The following HPSE2 variants were observed in gnomAD, a reference collection of about 807,000 sequenced individuals.
HPSE2 encodes inactive heparanase-2.
HPSE2 carries 38 observed loss-of-function variants against 60.5 expected under a neutral mutation model. The observed-to-expected ratio is 0.63, with a 90% CI of 0.48 to 0.82. The LOEUF (loss-of-function observed/expected upper bound fraction) is 0.82. Among genes scored for constraint, HPSE2 ranks in the 40% least tolerant of loss-of-function variants. The pLI is 0.00. For missense variants in HPSE2, 713 were observed against 740.4 expected, an observed-to-expected ratio of 0.96 and a Z score of 0.43; for synonymous variants, 295 against 293.2, an observed-to-expected ratio of 1.01 and a Z score of -0.06.
At chr10:99,133,824 G>A (rs1268529686) in intron 3 of HPSE2, among the ~76,000 whole-genome samples, 2 of 152,226 alleles carry the variant, frequency 1.3e-5, no homozygotes, top group East Asian at 1.9e-4. Flanking sequence ...TCCTCCAAAG[G>A]ATCACAACTC....
At chr10:98,596,985 T>C (rs1201520372) in intron 9 of HPSE2, among the ~76,000 whole-genome samples, 2 of 152,046 alleles carry the variant, frequency 1.3e-5, no homozygotes, top group African/African-American at 4.8e-5. Flanking sequence ...ACTTACAATA[T>C]GGTGGAAGGG....
intron 3 of HPSE2, among the ~76,000 whole-genome samples, chr10:98,833,689 C>T (rs1951732129): frequency 1.3e-5 from 2 of 152,184 alleles, no homozygotes; most frequent in African/African-American, 4.8e-5. Flanking sequence ...CGTCACATCA[C>T]CTTTTTCTAG....
chr10:98,684,755 G>C (rs1947869974), intron 6 of HPSE2, among the ~76,000 whole-genome samples: 1 of 151,998 alleles, frequency 6.6e-6, no homozygotes, highest in Non-Finnish European at 1.5e-5. Context: ...TTTGGAGTGG[G>C]AAGGGAGGAG....
chr10:99,132,937 T>C (rs1032797113), intron 3 of HPSE2, among the ~76,000 whole-genome samples: 1 of 152,056 alleles, frequency 6.6e-6, no homozygotes, highest in Non-Finnish European at 1.5e-5. Flanking sequence ...AGCCAAGTGG[T>C]CTGGCTCAGA....
the HPSE2 span, among the ~76,000 whole-genome samples, chr10:99,300,773 C>CA: frequency 1.3e-5 from 2 of 152,280 alleles, no homozygotes; most frequent in South Asian, 4.1e-4. Flanking sequence ...CAGAAGTTCC[C>CA]AGCAGAGCTG....
the HPSE2 span, among the ~76,000 whole-genome samples, chr10:99,315,261 C>CA: frequency 6.6e-6 from 1 of 152,176 alleles, no homozygotes; most frequent in African/African-American, 2.4e-5. Context: ...TCCATGGTGA[C>CA]AAGAGTACGG....
chr10:98,770,581 G>C (rs77521089), intron 3 of HPSE2, among the ~76,000 whole-genome samples: 1,743 of 152,166 alleles, frequency 0.011, 22 homozygotes, highest in Non-Finnish European at 0.017. Flanking sequence ...TTGGCTTGAG[G>C]ACTCCCCATG....
chr10:98,573,435 G>T (rs760002599), intron 9 of HPSE2, among the ~76,000 whole-genome samples: 3 of 148,600 alleles, frequency 2.0e-5, no homozygotes. Flanking sequence ...TTACCATGAG[G>T]CAACTGAAGA....
rs10630273 is a variant in HPSE2 at position 99,235,101 on chromosome 10, TACACACACAC to T, written c.290+402_290+411del. ...CACACACACACTCTCCTGTCTCACATACACACACACACACACACACACACACATACCCATT... is the reference window on the plus strand; with the variant it reads ...CACACACACACTCTCCTGTCTCACATACACACACACACACACATACCCATT... On this transcript the variant is annotated intron_variant, in intron 1 of 11. Coordinates refer to ENST00000370552, the MANE Select transcript of HPSE2 (RefSeq NM_021828.5). 2.2e-3 allele frequency among the ~76,000 whole-genome samples: 322 copies of T among 147,596 alleles called. 7 individuals carry two copies. Among genetic ancestry groups the T allele is most frequent in the East Asian group, 3.4e-3 (17 of 4,972 alleles).
intron 3 of HPSE2, among the ~76,000 whole-genome samples, chr10:98,959,776 G>C (rs1955603575): frequency 6.6e-6 from 1 of 152,106 alleles, no homozygotes. Context: ...TAGAAAGAAG[G>C]CATTAGAAAT....
intron 3 of HPSE2, among the ~76,000 whole-genome samples, chr10:99,077,972 G>T (rs1843004980): frequency 6.6e-6 from 1 of 152,070 alleles, no homozygotes; most frequent in South Asian, 2.1e-4. Flanking sequence ...CTTGCTCTCA[G>T]TTCACACAAG....
chr10:98,474,548 T>C (rs73335735), intron 11 of HPSE2, among the ~76,000 whole-genome samples: 9,644 of 152,256 alleles, frequency 0.063, 1,008 homozygotes, highest in African/African-American at 0.22. Context: ...TGCAGTTAGA[T>C]GCCAATGTTT....
intron 3 of HPSE2, among the ~76,000 whole-genome samples, chr10:98,983,301 G>A (rs1287714775): frequency 6.6e-6 from 1 of 152,122 alleles, no homozygotes; most frequent in African/African-American, 2.4e-5. Flanking sequence ...GTCCCATCTG[G>A]GGATGATGGG....
chr10:98,794,701 G>A (rs538315451), intron 3 of HPSE2, among the ~76,000 whole-genome samples: 2 of 152,044 alleles, frequency 1.3e-5, no homozygotes, highest in Non-Finnish European at 2.9e-5. Flanking sequence ...GGTGACACAC[G>A]TTATAAAAAA....
At chr10:99,212,108 C>CA (rs1456879272) in intron 2 of HPSE2, among the ~76,000 whole-genome samples, 1 of 151,982 alleles carries the variant, frequency 6.6e-6, no homozygotes, top group Non-Finnish European at 1.5e-5. Flanking sequence ...CAGGGAAATG[C>CA]AAATTAAATC....
chr10:98,963,918 T>C (rs1324233024), intron 3 of HPSE2, among the ~76,000 whole-genome samples: 1 of 152,088 alleles, frequency 6.6e-6, no homozygotes, highest in Admixed American at 6.6e-5. Flanking sequence ...CAAAGAACAC[T>C]GATTACAGAA....
At position 98,482,562 on chromosome 10, in the gene HPSE2, T is replaced by C; in HGVS notation, c.1613+74A>G. On this transcript the variant is annotated intron_variant, in intron 11 of 11. Coordinates refer to ENST00000370552, the MANE Select transcript of HPSE2 (RefSeq NM_021828.5). ...GCCCTTGAGAGAATTAGCAGCAACC[T>C]TGGTGTCTTCAGCCTCCCCCTCCCT... 3 of 1,575,902 alleles carry C rather than the reference T, an allele frequency of 1.9e-6. No individual in the cohort carries two copies. In the South Asian group the frequency reaches 3.3e-5, roughly 18 times the overall value.
chr10:99,305,979 G>GCGCGCGCGCACTCA, the HPSE2 span, among the ~76,000 whole-genome samples: 3 of 80,580 alleles, frequency 3.7e-5, 1 homozygote, highest in African/African-American at 1.6e-4. Context: ...GCGCGCGCGC[G>GCGCGCGCGCACTCA]CACACACACA....
intron 3 of HPSE2, among the ~76,000 whole-genome samples, chr10:98,779,499 G>A (rs1265894902): frequency 1.3e-5 from 2 of 152,056 alleles, no homozygotes; most frequent in Non-Finnish European, 2.9e-5. Flanking sequence ...GATAGCTCAG[G>A]CAAATAGTGA....
Sources: gnomAD v4.1 joint callset for allele counts (sites outside exome capture counted in the v4.1 genomes callset) on GRCh38, gnomAD v4.1.1 for gene constraint, MANE v1.5 for transcripts, NCBI Gene and HGNC (gene_info 2026-07-23, HGNC 2026-07-21) for gene names.